Variants in CABCOCO1 observed in about 807,000 individuals in gnomAD.
CABCOCO1 encodes ciliary associated calcium binding coiled-coil 1.
In CABCOCO1, 28 loss-of-function variants were observed where a neutral mutation model predicts 35.7. The observed-to-expected ratio is 0.78, with a 90% CI of 0.58 to 1.07. CABCOCO1 has a LOEUF of 1.07. CABCOCO1 is among the 50% of genes least tolerant of loss of function. CABCOCO1 has a pLI of 0.00. For missense variants in CABCOCO1, 326 were observed against 309.2 expected (o/e 1.05, Z -0.41); for synonymous variants, 95 against 100.1 (o/e 0.95, Z 0.30).
At chr10:61,746,802 TAATA>T (rs1841672309) in intron 5 of CABCOCO1, among the ~76,000 whole-genome samples, 1 of 152,118 alleles carries the variant, frequency 6.6e-6, no homozygotes, top group Non-Finnish European at 1.5e-5. Flanking sequence ...TATGTTGGAA[TAATA>T]GGAAATGAAT....
At chr10:61,700,928 T>TATGTATACCTATACATAC (rs1840438225) in intron 5 of CABCOCO1, among the ~76,000 whole-genome samples, 3 of 150,182 alleles carry the variant, frequency 2.0e-5, no homozygotes, top group African/African-American at 4.9e-5. Flanking sequence ...TGTGTATGTA[T>TATGTATACCTATACATAC]ATGTATACAT....
chr10:61,699,131 A>C (rs1840372547), intron 5 of CABCOCO1, among the ~76,000 whole-genome samples: 1 of 152,138 alleles, frequency 6.6e-6, no homozygotes, highest in Non-Finnish European at 1.5e-5. Flanking sequence ...AAAGAAAATC[A>C]ATCAGAAATT....
At chr10:61,764,097 C>T in intron 7 of CABCOCO1, among the ~76,000 whole-genome samples, 1 of 152,038 alleles carries the variant, frequency 6.6e-6, no homozygotes, top group Admixed American at 6.6e-5. Flanking sequence ...AGAAAGGCCT[C>T]CAAGTGAATG....
chr10:61,684,966 C>T (rs1839909903), intron 3 of CABCOCO1: 1 of 152,136 alleles, frequency 6.6e-6, no homozygotes, highest in Admixed American at 6.5e-5. Context: ...CTGACAAATG[C>T]CACAGAAGAC....
At chr10:61,671,413 T>C (rs1296397733) in intron 1 of CABCOCO1, among the ~76,000 whole-genome samples, 1 of 152,070 alleles carries the variant, frequency 6.6e-6, no homozygotes, top group Non-Finnish European at 1.5e-5. Flanking sequence ...GGGCTAAAAC[T>C]AGACTCTATT....
intron 5 of CABCOCO1, among the ~76,000 whole-genome samples, chr10:61,694,105 T>C (rs1840230525): frequency 6.6e-6 from 1 of 151,616 alleles, no homozygotes; most frequent in African/African-American, 2.4e-5. Context: ...ACTTCGAGGA[T>C]TTGATTAAGT....
At chr10:61,706,946 C>T (rs1347912759) in intron 5 of CABCOCO1, among the ~76,000 whole-genome samples, 2 of 152,148 alleles carry the variant, frequency 1.3e-5, no homozygotes, top group Non-Finnish European at 2.9e-5. Flanking sequence ...GTTACTTTCC[C>T]TCAAACCAGC....
In CABCOCO1 at chr10:61,716,154, A is replaced by G. The variant is rs137895204; in HGVS notation, c.552+25533A>G. Among the ~76,000 whole-genome samples the G allele has an allele frequency of 2.4e-3, 361 of 152,278 alleles. 2 individuals carry two copies. The highest frequency in any genetic ancestry group is 8.4e-3 in the African/African-American group (350 of 41,560). The stretch of plus-strand genomic sequence containing the variant: ...TTTTCCTATAATTTTTTAATATTCA[A>G]TATATTTTTTTCTGTATTTCCTATA... On this transcript the variant is annotated intron_variant, in intron 5 of 7. Coordinates refer to ENST00000648843, the MANE Select transcript of CABCOCO1 (RefSeq NM_001366906.2).
At chr10:61,680,696 ATATATGTTATACATGTATAAC>A (rs1219768200) in intron 2 of CABCOCO1, among the ~76,000 whole-genome samples, 1 of 48,664 alleles carries the variant, frequency 2.1e-5, no homozygotes, top group Non-Finnish European at 3.3e-5. Flanking sequence ...TGTATAACAT[ATATATGTTATACATGTATAAC>A]ATATATATTA....
intron 5 of CABCOCO1, among the ~76,000 whole-genome samples, chr10:61,729,584 C>T (rs1335710930): frequency 6.6e-6 from 1 of 152,048 alleles, no homozygotes. Flanking sequence ...AATATAACTG[C>T]CATATATGAT....
chr10:61,719,447 T>TA (rs112605805), intron 5 of CABCOCO1, among the ~76,000 whole-genome samples: 27 of 148,080 alleles, frequency 1.8e-4, no homozygotes, highest in East Asian at 7.8e-4. Flanking sequence ...TACACATGAT[T>TA]AAAAAAAAAA....
chr10:61,735,482 C>T lies in CABCOCO1; in HGVS notation c.553-24577C>T, dbSNP rs536803595. On this transcript the variant is annotated intron_variant, in intron 5 of 7. Coordinates refer to ENST00000648843, the MANE Select transcript of CABCOCO1 (RefSeq NM_001366906.2). ...CAGTCTGGTACCAATATAGCTTATT[C>T]CCCCACCAACCCCTCTGGAGCTTCT... Among the ~76,000 whole-genome samples, 10 of 152,178 alleles carry T rather than the reference C, an allele frequency of 6.6e-5. No homozygotes were observed. The East Asian group carries it at 1.7e-3, about 26-fold the overall frequency.
At chr10:61,708,523 G>T (rs1389096000) in intron 5 of CABCOCO1, among the ~76,000 whole-genome samples, 2 of 152,084 alleles carry the variant, frequency 1.3e-5, no homozygotes, top group Non-Finnish European at 2.9e-5. Context: ...GGCACCAGCA[G>T]ATTTCTAGTG....
chr10:61,702,600 A>C (rs761937541), intron 5 of CABCOCO1, among the ~76,000 whole-genome samples: 2 of 152,164 alleles, frequency 1.3e-5, no homozygotes, highest in Admixed American at 6.6e-5. Flanking sequence ...ATATATTTTT[A>C]TTGATCGCTT....
chr10:61,681,065 C>T (rs1839776730), intron 2 of CABCOCO1, 78 bp from the exon 3 acceptor site: 4 of 810,792 alleles, frequency 4.9e-6, no homozygotes, highest in Non-Finnish European at 6.6e-6. Context: ...AAGAAAAAGA[C>T]CTGTTTTCAA....
At chr10:61,705,171 T>C (rs2393830) in intron 5 of CABCOCO1, among the ~76,000 whole-genome samples, 59,983 of 152,058 alleles carry the variant, frequency 0.39, 14,125 homozygotes, top group Middle Eastern at 0.53. Context: ...TAAAACCTTA[T>C]CTGGTACCTG....
Position 61,734,233 on chromosome 10 carries a change from A to T in CABCOCO1, c.553-25826A>T, listed in dbSNP as rs559446670. Among the ~76,000 whole-genome samples the T allele has an allele frequency of 2.0e-5, 3 of 152,214 alleles. No homozygotes were observed. The East Asian group carries it at 5.8e-4, about 29-fold the overall frequency. The stretch of plus-strand genomic sequence containing the variant: ...ATATGTGGCACGTGCACACTCATAT[A>T]TGCCCTGAGACTTCTTTACACAGTT... On this transcript the variant is annotated intron_variant, in intron 5 of 7. Coordinates refer to ENST00000648843, the MANE Select transcript of CABCOCO1 (RefSeq NM_001366906.2).
chr10:61,663,753 G>A (rs1054458349), intron 1 of CABCOCO1, among the ~76,000 whole-genome samples: 3 of 152,000 alleles, frequency 2.0e-5, no homozygotes, highest in Non-Finnish European at 2.9e-5. Flanking sequence ...TAATAAATGG[G>A]TTTTAAGTAA....
At chr10:61,667,950 T>C (rs1355190681) in intron 1 of CABCOCO1, among the ~76,000 whole-genome samples, 2 of 151,996 alleles carry the variant, frequency 1.3e-5, no homozygotes, top group African/African-American at 4.8e-5. Flanking sequence ...CTTGTTTTCA[T>C]AAGAATGACT....
Sources: gnomAD v4.1 joint callset for allele counts (sites outside exome capture counted in the v4.1 genomes callset) on GRCh38, gnomAD v4.1.1 for gene constraint, MANE v1.5 for transcripts, NCBI Gene and HGNC (gene_info 2026-07-23, HGNC 2026-07-21) for gene names.